MTUS2: variants seen among roughly 807,000 people sequenced by gnomAD.
MTUS2 encodes microtubule-associated tumor suppressor candidate 2.
In MTUS2, 40 loss-of-function variants were observed where a neutral mutation model predicts 114.1. The observed-to-expected ratio is 0.35, with a 90% CI of 0.27 to 0.46. The LOEUF (loss-of-function observed/expected upper bound fraction) is 0.46, where lower values mean the gene tolerates loss of function less well. Among genes scored for constraint, MTUS2 ranks in the 20% least tolerant of loss-of-function variants. The pLI is 1.00. For synonymous variants in MTUS2, 688 were observed against 672.0 expected, an observed-to-expected ratio of 1.02 and a Z score of -0.37; for missense variants, 1,679 against 1,705.4, an observed-to-expected ratio of 0.98 and a Z score of 0.27.
chr13:29,204,656 G>A (rs1276078422), intron 5 of MTUS2, among the ~76,000 whole-genome samples: 2 of 152,226 alleles, frequency 1.3e-5, no homozygotes, highest in African/African-American at 4.8e-5. Context: ...GCTCAGGGCA[G>A]CACCCTGGCC....
At chr13:29,462,595 T>G (rs1566214726) in intron 9 of MTUS2, among the ~76,000 whole-genome samples, 1 of 152,086 alleles carries the variant, frequency 6.6e-6, no homozygotes, top group African/African-American at 2.4e-5. Context: ...TTGCAGTAAT[T>G]TGAAAGTCAG....
intron 6 of MTUS2, among the ~76,000 whole-genome samples, chr13:29,292,215 T>G (rs961097889): frequency 1.2e-4 from 18 of 152,346 alleles, no homozygotes; most frequent in African/African-American, 3.8e-4. Context: ...CTTTGCTTCC[T>G]TCCCTTGGTG....
At chr13:29,277,262 G>T (rs11840398) in intron 5 of MTUS2, among the ~76,000 whole-genome samples, 23,446 of 152,072 alleles carry the variant, frequency 0.15, 2,027 homozygotes, top group African/African-American at 0.23. Flanking sequence ...TGGTCCTAGG[G>T]TATAATTATT....
intron 5 of MTUS2, among the ~76,000 whole-genome samples, chr13:29,131,943 A>G (rs534116092): frequency 1.3e-5 from 2 of 152,348 alleles, no homozygotes; most frequent in African/African-American, 4.8e-5. Context: ...CTGATTTCCC[A>G]TTTTAAAAAT....
rs181146320 is a variant in MTUS2 at position 29,437,830 on chromosome 13, C to A, written c.3118-2153C>A. Among the ~76,000 whole-genome samples the A allele has an allele frequency of 1.0e-3, 158 of 152,108 alleles. 1 individual carries two copies. The highest frequency in any genetic ancestry group is 2.1e-3 in the East Asian group (11 of 5,168). ...GGGCATGGTGGCATGCACCTGTAGT[C>A]CCTGCTACTTGGGAGGCTGAGGTGT... On this transcript the variant is annotated intron_variant, in intron 8 of 15. Transcript: ENST00000612955.
At chr13:29,341,362 G>A (rs1211503851) in intron 7 of MTUS2, among the ~76,000 whole-genome samples, 2 of 152,064 alleles carry the variant, frequency 1.3e-5, no homozygotes, top group Admixed American at 6.5e-5. Context: ...GAGTAAGGTG[G>A]TTATCGCATT....
intron 5 of MTUS2, among the ~76,000 whole-genome samples, chr13:29,183,895 A>G (rs182338567): frequency 2.7e-4 from 41 of 152,326 alleles, no homozygotes; most frequent in African/African-American, 8.9e-4. Context: ...GTATAAAGGA[A>G]GATAGGGTCT....
chr13:29,227,442 C>G (rs112821154), intron 5 of MTUS2, among the ~76,000 whole-genome samples: 2 of 152,110 alleles, frequency 1.3e-5, no homozygotes, highest in South Asian at 4.1e-4. Flanking sequence ...CCGAGGGGCT[C>G]GCTGTCTTAA....
intron 2 of MTUS2, among the ~76,000 whole-genome samples, chr13:28,944,946 T>C: frequency 6.6e-6 from 1 of 152,208 alleles, no homozygotes; most frequent in East Asian, 1.9e-4. Context: ...ATTGAACCTA[T>C]TAAGTAACTT....
intron 4 of MTUS2, among the ~76,000 whole-genome samples, chr13:29,051,491 C>T (rs1046221641): frequency 2.6e-5 from 4 of 152,118 alleles, no homozygotes; most frequent in Non-Finnish European, 5.9e-5. Flanking sequence ...CTGCGTCTCA[C>T]TAGATGCCAA....
chr13:29,100,671 G>C, intron 4 of MTUS2, 102 bp from the exon 5 acceptor site: 1 of 1,314,940 alleles, frequency 7.6e-7, no homozygotes, highest in Non-Finnish European at 1.0e-6. Context: ...ATTAATTTTA[G>C]TCTGTTTATG....
At chr13:29,166,895 G>A (rs186230346) in intron 5 of MTUS2, among the ~76,000 whole-genome samples, 28 of 152,214 alleles carry the variant, frequency 1.8e-4, no homozygotes, top group African/African-American at 6.5e-4. Context: ...ATGTATTTCG[G>A]TTGCTTTTCA....
At chr13:29,199,139 A>G (rs917747309) in intron 5 of MTUS2, among the ~76,000 whole-genome samples, 2 of 152,182 alleles carry the variant, frequency 1.3e-5, no homozygotes, top group Non-Finnish European at 2.9e-5. Flanking sequence ...AGCCAAGACA[A>G]TCCTAAGCAA....
chr13:29,417,096 A>G (rs1203594645), intron 8 of MTUS2, among the ~76,000 whole-genome samples: 1 of 152,206 alleles, frequency 6.6e-6, no homozygotes, highest in Non-Finnish European at 1.5e-5. Flanking sequence ...CAAGCATGGC[A>G]CCTGCATCTG....
At chr13:29,331,791 G>A (rs907931548) in intron 7 of MTUS2, among the ~76,000 whole-genome samples, 1 of 151,804 alleles carries the variant, frequency 6.6e-6, no homozygotes, top group African/African-American at 2.4e-5. Context: ...TTTATCAAAG[G>A]TCTTTTCTGC....
chr13:29,306,571 C>G (rs888431508), intron 6 of MTUS2, among the ~76,000 whole-genome samples: 14 of 152,164 alleles, frequency 9.2e-5, no homozygotes, highest in African/African-American at 3.1e-4. Context: ...CCTAGAAATA[C>G]AGCCAACAAG....
chr13:29,122,397 C>T (rs1048246073), intron 5 of MTUS2, among the ~76,000 whole-genome samples: 3 of 152,142 alleles, frequency 2.0e-5, no homozygotes, highest in Admixed American at 2.0e-4. Context: ...GAAGGGGAAG[C>T]AAGCACCGCC....
intron 2 of MTUS2, among the ~76,000 whole-genome samples, chr13:28,893,962 CT>C (rs2137924009): frequency 6.6e-6 from 1 of 152,118 alleles, no homozygotes; most frequent in East Asian, 1.9e-4. Flanking sequence ...GTAAGTCACA[CT>C]TTGTTTTATA....
intron 8 of MTUS2, among the ~76,000 whole-genome samples, chr13:29,427,609 G>A (rs1281734601): frequency 6.6e-6 from 1 of 152,102 alleles, no homozygotes; most frequent in African/African-American, 2.4e-5. Flanking sequence ...CAAGTTTAAG[G>A]CAAACATTCC....
Sources: gnomAD v4.1 joint callset for allele counts (sites outside exome capture counted in the v4.1 genomes callset) on GRCh38, gnomAD v4.1.1 for gene constraint, MANE v1.5 for transcripts, NCBI Gene and HGNC (gene_info 2026-07-23, HGNC 2026-07-21) for gene names.